RANBP2: variants seen among roughly 807,000 people sequenced by gnomAD.
The protein encoded by RANBP2 is E3 SUMO-protein ligase RanBP2.
A neutral mutation model predicts 303.6 loss-of-function variants in RANBP2; 57 were observed. That is an observed-to-expected ratio of 0.19 (90% CI 0.15 to 0.23). The LOEUF (loss-of-function observed/expected upper bound fraction) is 0.23. Among genes scored for constraint, RANBP2 ranks in the 10% least tolerant of loss-of-function variants. The pLI is 1.00. For missense variants in RANBP2, 3,138 were observed against 3,780.8 expected (o/e 0.83, Z 4.46); for synonymous variants, 1,167 against 1,301.5 (o/e 0.90, Z 2.23).
chr2:108,804,995 C>A, the RANBP2 span: 7 of 1,530,162 alleles, frequency 4.6e-6, no homozygotes, highest in Non-Finnish European at 6.1e-6. Flanking sequence ...TTGAATGATA[C>A]CTTAAAAAAA....
At chr2:108,861,742 A>G in the RANBP2 span, among the ~76,000 whole-genome samples, 2 of 151,660 alleles carry the variant, frequency 1.3e-5, no homozygotes, top group Non-Finnish European at 2.9e-5. Context: ...CTTCCTCCCA[A>G]AGTGCTGGGA....
the RANBP2 span, among the ~76,000 whole-genome samples, chr2:108,972,769 T>G: frequency 6.6e-6 from 1 of 152,186 alleles, no homozygotes; most frequent in East Asian, 1.9e-4. Context: ...ATGCTGAGAC[T>G]CAGAAGGGGG....
At chr2:108,799,237 CAA>C in the RANBP2 span, among the ~76,000 whole-genome samples, 2 of 152,086 alleles carry the variant, frequency 1.3e-5, no homozygotes, top group South Asian at 4.1e-4. Context: ...AATATGTAGA[CAA>C]AATATTTTTG....
At chr2:109,398,352 T>C in the RANBP2 span, among the ~76,000 whole-genome samples, 9 of 152,272 alleles carry the variant, frequency 5.9e-5, no homozygotes, top group Non-Finnish European at 1.0e-4. Flanking sequence ...GGAAAACTCT[T>C]CTTTCTCTAT....
chr2:109,104,447 T>G, the RANBP2 span, among the ~76,000 whole-genome samples: 1 of 149,076 alleles, frequency 6.7e-6, no homozygotes, highest in African/African-American at 2.5e-5. Context: ...CGTTCAGCGG[T>G]TGAGGGGAGG....
the RANBP2 span, among the ~76,000 whole-genome samples, chr2:109,456,048 G>T: frequency 6.6e-6 from 1 of 152,228 alleles, no homozygotes; most frequent in Non-Finnish European, 1.5e-5. Context: ...CTGTCATCAG[G>T]TGCAGCCACA....
chr2:109,571,531 G>T, the RANBP2 span, among the ~76,000 whole-genome samples: 1 of 152,308 alleles, frequency 6.6e-6, no homozygotes, highest in African/African-American at 2.4e-5. Context: ...ACAATGCTAA[G>T]TATGTGTATA....
chr2:108,861,846 T>G, the RANBP2 span, among the ~76,000 whole-genome samples: 1 of 152,208 alleles, frequency 6.6e-6, no homozygotes, highest in Non-Finnish European at 1.5e-5. Context: ...CTAAACTTTC[T>G]TCTTAGCACT....
the RANBP2 span, among the ~76,000 whole-genome samples, chr2:109,727,453 C>G: frequency 6.6e-6 from 1 of 152,202 alleles, no homozygotes; most frequent in Admixed American, 6.5e-5. Flanking sequence ...GGACTCCAAG[C>G]CGAGTCCGTA....
chr2:109,665,866 C>T, the RANBP2 span: 1 of 151,910 alleles, frequency 6.6e-6, no homozygotes, highest in Non-Finnish European at 1.5e-5. Context: ...TATCCCAGCA[C>T]TTTGGAAGGC....
chr2:108,859,908 A>G, the RANBP2 span, among the ~76,000 whole-genome samples: 2 of 152,118 alleles, frequency 1.3e-5, no homozygotes, highest in Non-Finnish European at 2.9e-5. Flanking sequence ...AACCATTTAA[A>G]TGATCTTAAT....
the RANBP2 span, among the ~76,000 whole-genome samples, chr2:109,088,016 G>A: frequency 6.6e-6 from 1 of 152,182 alleles, no homozygotes; most frequent in African/African-American, 2.4e-5. Context: ...TGTAATCCCA[G>A]CACTTTGGGA....
chr2:109,379,917 A>G, the RANBP2 span, among the ~76,000 whole-genome samples: 1 of 152,320 alleles, frequency 6.6e-6, no homozygotes, highest in Non-Finnish European at 1.5e-5. Context: ...TCCAGGAGGC[A>G]AATTCTTAGA....
intron 12 of RANBP2, among the ~76,000 whole-genome samples, chr2:108,752,794 A>G (rs1676005422): frequency 6.8e-6 from 1 of 148,018 alleles, no homozygotes. Context: ...CTCTGTCTCA[A>G]AAAAAAAAAA....
At chr2:108,907,854 C>T in the RANBP2 span, 4 of 1,613,416 alleles carry the variant, frequency 2.5e-6, no homozygotes, top group Non-Finnish European at 3.4e-6. Context: ...CCTGCAGGAG[C>T]CTCACCCCGG....
At position 108,771,880 on chromosome 2, in the gene RANBP2, T is replaced by A. The variant is rs368884962; in HGVS notation, c.8020+9T>A. Reference sequence around the variant, plus strand: ...TGAAGAAGAGGAGGATGGTAAAACTTTTGTTATTTCAAAAATCCTCTGTTC... The same window carrying A: ...TGAAGAAGAGGAGGATGGTAAAACTATTGTTATTTCAAAAATCCTCTGTTC... On this transcript the variant is annotated intron_variant, in intron 21 of 28. Coordinates refer to ENST00000283195, the MANE Select transcript of RANBP2 (RefSeq NM_006267.5). The A allele has an allele frequency of 3.2e-5, 52 of 1,613,636 alleles. No homozygotes were observed. Among genetic ancestry groups the A allele is most frequent in the Admixed American group, 6.7e-5 (4 of 59,970 alleles).
At chr2:109,574,097 T>C in the RANBP2 span, among the ~76,000 whole-genome samples, 1 of 152,128 alleles carries the variant, frequency 6.6e-6, no homozygotes, top group South Asian at 2.1e-4. Context: ...ATCTTCCAAA[T>C]TGAATTTCTC....
the RANBP2 span, among the ~76,000 whole-genome samples, chr2:108,874,265 C>T: frequency 2.0e-5 from 3 of 152,038 alleles, no homozygotes; most frequent in Admixed American, 6.6e-5. Context: ...ACTTTGGTAA[C>T]GGGATTTATT....
chr2:109,401,873 T>C, the RANBP2 span, among the ~76,000 whole-genome samples: 1 of 152,220 alleles, frequency 6.6e-6, no homozygotes, highest in Non-Finnish European at 1.5e-5. Flanking sequence ...TTAATTTGCA[T>C]ACTACCTGGC....
Sources: allele counts gnomAD v4.1 joint callset (sites outside exome capture counted in the v4.1 genomes callset), GRCh38; gene constraint gnomAD v4.1.1; transcripts MANE v1.5; gene names NCBI Gene and HGNC (gene_info 2026-07-23, HGNC 2026-07-21).